PBX1: variants seen among roughly 807,000 people sequenced by gnomAD.
PBX1 encodes the protein PBX homeobox 1, also known as pre-B-cell leukemia transcription factor 1.
PBX1 carries 6 observed loss-of-function variants against 53.4 expected under a neutral mutation model. The observed-to-expected ratio is 0.11, with a 90% CI of 0.06 to 0.22. The LOEUF (loss-of-function observed/expected upper bound fraction) is 0.22. Ranked by LOEUF, PBX1 falls within the 10% of genes least tolerant of loss-of-function variation. The pLI is 1.00. For synonymous variants in PBX1, 204 were observed against 212.3 expected, an observed-to-expected ratio of 0.96 and a Z score of 0.34; for missense variants, 251 against 551.4, an observed-to-expected ratio of 0.46 and a Z score of 5.46.
chr1:164,560,324 C>T (rs954684367), intron 1 of PBX1: 4 of 398,522 alleles, frequency 1.0e-5, no homozygotes, highest in Admixed American at 8.8e-5. Context: ...CCAAAAGCGG[C>T]CCTCGGCACT....
At chr1:164,710,874 T>C (rs1476214515) in intron 2 of PBX1, among the ~76,000 whole-genome samples, 1 of 152,214 alleles carries the variant, frequency 6.6e-6, no homozygotes, top group Non-Finnish European at 1.5e-5. Flanking sequence ...TGAACAGGGA[T>C]GACTAAGTGC....
chr1:164,707,127 T>C (rs1321048304), intron 2 of PBX1, among the ~76,000 whole-genome samples: 2 of 152,150 alleles, frequency 1.3e-5, no homozygotes, highest in Non-Finnish European at 2.9e-5. Context: ...CTGAATCTTT[T>C]ATGAGACCTT....
At chr1:164,680,040 G>A (rs902419953) in intron 2 of PBX1, 1 of 152,164 alleles carries the variant, frequency 6.6e-6, no homozygotes, top group African/African-American at 2.4e-5. Context: ...CCTAGCGAGA[G>A]TAAGACCATG....
At chr1:164,652,887 T>C (rs1483177047) in intron 2 of PBX1, among the ~76,000 whole-genome samples, 5 of 151,436 alleles carry the variant, frequency 3.3e-5, no homozygotes, top group Non-Finnish European at 7.4e-5. Context: ...TTTTTTTTTT[T>C]CGGACAGAGT....
At chr1:164,835,664 A>T (rs991389336) in intron 8 of PBX1, among the ~76,000 whole-genome samples, 1 of 152,176 alleles carries the variant, frequency 6.6e-6, no homozygotes, top group African/African-American at 2.4e-5. Context: ...TAATACAATA[A>T]GGATATTAAT....
At chr1:164,706,348 G>A (rs1663426022) in intron 2 of PBX1, among the ~76,000 whole-genome samples, 1 of 152,156 alleles carries the variant, frequency 6.6e-6, no homozygotes, top group Admixed American at 6.5e-5. Context: ...CTGATAAGCT[G>A]TGCATGAATT....
chr1:164,593,621 C>T (rs1028898175), intron 2 of PBX1, among the ~76,000 whole-genome samples: 17 of 115,908 alleles, frequency 1.5e-4, no homozygotes, highest in African/African-American at 4.6e-4. Context: ...AAGGTTGTGG[C>T]GGCGGGGTGG....
chr1:164,592,101 G>A (rs1031203518), intron 2 of PBX1, among the ~76,000 whole-genome samples: 3 of 152,100 alleles, frequency 2.0e-5, no homozygotes, highest in African/African-American at 7.2e-5. Flanking sequence ...GGCAGATGAA[G>A]GGGATGGGGG....
intron 2 of PBX1, among the ~76,000 whole-genome samples, chr1:164,656,720 T>C (rs1279134858): frequency 6.6e-6 from 1 of 151,940 alleles, no homozygotes; most frequent in East Asian, 1.9e-4. Context: ...TAAAGGACAA[T>C]AAAATGCTAA....
At chr1:164,760,432 C>T (rs1666750974) in intron 2 of PBX1, among the ~76,000 whole-genome samples, 1 of 151,116 alleles carries the variant, frequency 6.6e-6, no homozygotes, top group Non-Finnish European at 1.5e-5. Flanking sequence ...CCCTCCCTCC[C>T]TCCCTTCCCT....
At chr1:164,624,556 A>C (rs554499730) in intron 2 of PBX1, among the ~76,000 whole-genome samples, 1 of 152,298 alleles carries the variant, frequency 6.6e-6, no homozygotes, top group African/African-American at 2.4e-5. Context: ...AAGTTGTTAA[A>C]AAGGTTTAGT....
At chr1:164,697,273 A>G (rs2171694) in intron 2 of PBX1, among the ~76,000 whole-genome samples, 36,158 of 152,108 alleles carry the variant, frequency 0.24, 4,544 homozygotes, top group East Asian at 0.46. Flanking sequence ...ATTAGAACCT[A>G]GGTTGAATGA....
chr1:164,611,661 C>T (rs974874549), intron 2 of PBX1, among the ~76,000 whole-genome samples: 1 of 152,152 alleles, frequency 6.6e-6, no homozygotes, highest in Non-Finnish European at 1.5e-5. Flanking sequence ...TGGACTTTGC[C>T]ATCCAATGCC....
intron 8 of PBX1, among the ~76,000 whole-genome samples, chr1:164,845,804 C>G (rs1311349469): frequency 6.6e-6 from 1 of 152,172 alleles, no homozygotes; most frequent in Non-Finnish European, 1.5e-5. Context: ...TTCACACAGA[C>G]TAGTCCTTAT....
At chr1:164,805,021 A>T (rs780625196) in intron 4 of PBX1, among the ~76,000 whole-genome samples, 1 of 152,110 alleles carries the variant, frequency 6.6e-6, no homozygotes. Flanking sequence ...CAAATTTGAT[A>T]GTTAGCAGTG....
intron 2 of PBX1, among the ~76,000 whole-genome samples, chr1:164,672,842 T>A (rs1661192904): frequency 1.3e-5 from 2 of 152,236 alleles, no homozygotes; most frequent in African/African-American, 4.8e-5. Flanking sequence ...GGACTACCCA[T>A]AATTTGTTCT....
chr1:164,588,821 CT>C (rs1655146418), intron 2 of PBX1, among the ~76,000 whole-genome samples: 1 of 152,184 alleles, frequency 6.6e-6, no homozygotes, highest in Admixed American at 6.5e-5. Flanking sequence ...GCTCAGCCCC[CT>C]TTATCCCTCC....
In PBX1 at chr1:164,839,000, A is replaced by G. The variant is rs569392094; in HGVS notation, c.1201-7584A>G. ...GTAGCCTGCAAGTCTGGGCATGGCT[A>G]AGTCCTCTCCTCTCCGGTCCTGTCT... is the stretch of plus-strand genomic sequence containing the variant. On this transcript the variant is annotated intron_variant, in intron 8 of 8. Transcript: ENST00000420696. Among the ~76,000 whole-genome samples, 292 of 152,298 alleles carry G rather than the reference A, an allele frequency of 1.9e-3. 5 individuals carry two copies. The highest frequency in any genetic ancestry group is 6.6e-3 in the African/African-American group (276 of 41,566).
At chr1:164,722,713 A>G (rs1038491302) in intron 2 of PBX1, among the ~76,000 whole-genome samples, 2 of 151,910 alleles carry the variant, frequency 1.3e-5, no homozygotes, top group South Asian at 2.1e-4. Flanking sequence ...ACTTACTTTC[A>G]TGATGCTTAT....
Sources: allele counts gnomAD v4.1 joint callset (sites outside exome capture counted in the v4.1 genomes callset), GRCh38; gene constraint gnomAD v4.1.1; transcripts MANE v1.5; gene names NCBI Gene and HGNC (gene_info 2026-07-23, HGNC 2026-07-21).